Variants in ARSG observed in about 807,000 individuals in gnomAD.
ARSG encodes ASG.
A neutral mutation model predicts 50.5 loss-of-function variants in ARSG; 37 were observed. The ratio of observed to expected loss-of-function variants is 0.73; its 90% CI spans 0.56 to 0.96. ARSG has a LOEUF of 0.96. ARSG is among the 50% of genes least tolerant of loss of function. ARSG has a pLI of 0.00. For synonymous variants in ARSG, 225 were observed against 254.6 expected (o/e 0.88, Z 1.11); for missense variants, 629 against 675.3 (o/e 0.93, Z 0.76).
intron 1 of ARSG, among the ~76,000 whole-genome samples, chr17:68,297,969 C>CTT (rs56199177): frequency 0.074 from 9,813 of 131,960 alleles, 482 homozygotes; most frequent in Middle Eastern, 0.091. Flanking sequence ...TACTGTGACT[C>CTT]TTTTTTTTTT....
At chr17:68,284,400 A>G (rs1250726642) in intron 1 of ARSG, among the ~76,000 whole-genome samples, 1 of 152,200 alleles carries the variant, frequency 6.6e-6, no homozygotes, top group Non-Finnish European at 1.5e-5. Context: ...TCTAAAATAA[A>G]TAAATAAAAT....
chr17:68,266,898 G>C (rs1343476767), intron 1 of ARSG: 1 of 152,074 alleles, frequency 6.6e-6, no homozygotes, highest in Non-Finnish European at 1.5e-5. Flanking sequence ...AGAGTTAAAA[G>C]GTTTTGCAGA....
chr17:68,424,704 C>T (rs150043536), downstream of ARSG, among the ~76,000 whole-genome samples: 3 of 152,088 alleles, frequency 2.0e-5, no homozygotes, highest in African/African-American at 4.8e-5. Context: ...GGTGAAACCC[C>T]GTCTCTACTA....
chr17:68,347,162 C>T lies in ARSG; in HGVS notation c.444C>T (p.Pro148=). 6.2e-7 allele frequency: 1 copy of T among 1,614,000 alleles called. No homozygotes were observed. Among genetic ancestry groups the T allele is most frequent in the Non-Finnish European group, 8.5e-7 (1 of 1,179,912 alleles). Residue 148 remains proline, a synonymous_variant, in exon 4 of 12, where the codon CCC becomes CCT. Transcript: ENST00000621439. The part of the protein sequence containing the change: ...WHLGHHGSYH[P]NFRGFDYYFG... Reference sequence around the variant, plus strand: ...TTGGACACCACGGCTCTTATCACCCCAACTTCCGTGGTAAGAATTCTTTTG... The same window carrying T: ...TTGGACACCACGGCTCTTATCACCCTAACTTCCGTGGTAAGAATTCTTTTG...
At chr17:68,432,249 C>T in the ARSG span, among the ~76,000 whole-genome samples, 4 of 152,192 alleles carry the variant, frequency 2.6e-5, no homozygotes, top group South Asian at 4.1e-4. Flanking sequence ...GATGAGGGGA[C>T]GTCAGTCCCA....
chr17:68,262,128 CG>C (rs1568395492), intron 1 of ARSG, among the ~76,000 whole-genome samples: 1 of 142,438 alleles, frequency 7.0e-6, no homozygotes, highest in African/African-American at 2.7e-5. Flanking sequence ...TGCACTCCAG[CG>C]TGGGTGACAA....
intron 8 of ARSG, among the ~76,000 whole-genome samples, chr17:68,380,888 G>A (rs1014556984): frequency 6.6e-6 from 1 of 152,036 alleles, no homozygotes; most frequent in Non-Finnish European, 1.5e-5. Flanking sequence ...GGTTGGCAGG[G>A]GTGGCACTGG....
chr17:68,447,287 T>C, the ARSG span, among the ~76,000 whole-genome samples: 1 of 152,224 alleles, frequency 6.6e-6, no homozygotes, highest in Non-Finnish European at 1.5e-5. Flanking sequence ...CTTGATTCCA[T>C]AAAATATATT....
intron 2 of ARSG, among the ~76,000 whole-genome samples, chr17:68,341,524 G>T (rs926249984): frequency 6.6e-6 from 1 of 152,110 alleles, no homozygotes; most frequent in Non-Finnish European, 1.5e-5. Flanking sequence ...CAACCTCTGT[G>T]CCACTTCCTC....
At chr17:68,321,167 C>T (rs1599710222) in intron 2 of ARSG, among the ~76,000 whole-genome samples, 2 of 151,960 alleles carry the variant, frequency 1.3e-5, no homozygotes, top group East Asian at 3.9e-4. Context: ...GACAACATAG[C>T]AAGACCCCAT....
chr17:68,294,151 A>ATCCCAAG (rs1555757327), intron 1 of ARSG, among the ~76,000 whole-genome samples: 1 of 152,116 alleles, frequency 6.6e-6, no homozygotes, highest in African/African-American at 2.4e-5. Context: ...TGTCTGCCTG[A>ATCCCAAG]TCCCAAGTGG....
At chr17:68,349,428 A>G (rs919237186) in intron 4 of ARSG, among the ~76,000 whole-genome samples, 3 of 152,322 alleles carry the variant, frequency 2.0e-5, no homozygotes. Flanking sequence ...AAAACCTAAA[A>G]TGTTTACTAT....
chr17:68,272,906 G>A, intron 1 of ARSG: 1 of 1,009,796 alleles, frequency 9.9e-7, no homozygotes, highest in East Asian at 2.7e-5. Flanking sequence ...TCTGGACAAA[G>A]GTGATGTTGC....
rs150655015 is a variant in ARSG, at chr17:68,333,631, AAATAATAATAATAATAAT to A, written c.219-9946_219-9929del. On this transcript the variant is annotated intron_variant, in intron 2 of 11. Transcript: ENST00000621439. ...CAACAAGGGCAAAACTCTGTCTCAA[AAATAATAATAATAATAAT>A]AATAATAATAATAATAATAATAATA... Among the ~76,000 whole-genome samples the A allele has an allele frequency of 1.6e-3, 229 of 142,722 alleles. 1 individual carries two copies. The highest frequency in any genetic ancestry group is 7.2e-3 in the Middle Eastern group (2 of 278). The allele number at this position is 142,722 out of a possible 152,430, so 93.6% of individuals were successfully genotyped here.
intron 4 of ARSG, 23 bp downstream of exon 4, chr17:68,347,195 G>A: frequency 6.2e-7 from 1 of 1,611,032 alleles, no homozygotes. Context: ...TTGGGGATTT[G>A]TTACCTGGGA....
At chr17:68,444,291 A>C in the ARSG span, among the ~76,000 whole-genome samples, 5,505 of 152,310 alleles carry the variant, frequency 0.036, 341 homozygotes, top group African/African-American at 0.13. Context: ...ACTGCAATGA[A>C]GGGCACACAG....
Position 68,395,252 on chromosome 17 carries a change from C to G in ARSG, c.1212+59C>G, listed in dbSNP as rs1323137507. On this transcript the variant is annotated intron_variant, in intron 10 of 11. Coordinates refer to ENST00000621439, the MANE Select transcript of ARSG (RefSeq NM_001267727.2). ...TCTTTAGGAGGCTGGTCTGCTGCCT[C>G]TCACCTCTGTGCAGACAGAACCATC... is the stretch of plus-strand genomic sequence containing the variant. 2.5e-6 allele frequency: 4 copies of G among 1,601,204 alleles called. No individual in the cohort carries two copies. In the African/African-American group the frequency reaches 5.4e-5, roughly 21 times the overall value.
intron 8 of ARSG, among the ~76,000 whole-genome samples, chr17:68,374,085 A>C (rs2080010985): frequency 6.9e-6 from 1 of 145,460 alleles, no homozygotes; most frequent in African/African-American, 2.6e-5. Context: ...TGAACCAGGG[A>C]GGCGGAGCTT....
At chr17:68,411,015 T>G (rs189079094) in intron 11 of ARSG, among the ~76,000 whole-genome samples, 6 of 146,900 alleles carry the variant, frequency 4.1e-5, no homozygotes, top group Admixed American at 4.0e-4. Flanking sequence ...CTTCTCTCTT[T>G]TTTTCTTTAT....
Sources: gnomAD v4.1 joint callset for allele counts (sites outside exome capture counted in the v4.1 genomes callset) on GRCh38, gnomAD v4.1.1 for gene constraint, MANE v1.5 for transcripts, NCBI Gene and HGNC (gene_info 2026-07-23, HGNC 2026-07-21) for gene names.